The following FXR1 variants were observed in gnomAD, a reference collection of about 807,000 sequenced individuals.
FXR1 encodes RNA-binding protein FXR1.
Under a neutral mutation model 84.0 loss-of-function variants are expected in FXR1, and 15 were observed. The observed-to-expected ratio is 0.18, with a 90% CI of 0.12 to 0.27. The LOEUF (loss-of-function observed/expected upper bound fraction) is 0.27. Among genes scored for constraint, FXR1 ranks in the 10% least tolerant of loss-of-function variants. The pLI, the probability that FXR1 is intolerant of heterozygous loss-of-function variation, is 1.00. For missense variants in FXR1, 480 were observed against 774.4 expected (o/e 0.62, Z 4.51); for synonymous variants, 245 against 250.7 (o/e 0.98, Z 0.21).
At chr3:180,949,856 G>T (rs1722046887) in intron 7 of FXR1, among the ~76,000 whole-genome samples, 1 of 152,220 alleles carries the variant, frequency 6.6e-6, no homozygotes, top group South Asian at 2.1e-4. Flanking sequence ...GTAGGACTTA[G>T]ATGACAGGTG....
intron 1 of FXR1, among the ~76,000 whole-genome samples, chr3:180,913,864 A>G (rs1261463876): frequency 6.6e-6 from 1 of 152,206 alleles, no homozygotes; most frequent in Non-Finnish European, 1.5e-5. Flanking sequence ...TATTGTGCGT[A>G]TGCAAAGTGA....
intron 15 of FXR1, chr3:180,971,904 A>C (rs1038235890): frequency 1.3e-5 from 2 of 152,516 alleles, no homozygotes; most frequent in African/African-American, 2.4e-5. Context: ...AAACTAATCA[A>C]TTTTTGCATT....
intron 15 of FXR1, among the ~76,000 whole-genome samples, chr3:180,973,372 G>C (rs1159941898): frequency 6.6e-6 from 1 of 152,106 alleles, no homozygotes; most frequent in East Asian, 1.9e-4. Flanking sequence ...TGCAGTTTTT[G>C]CACCCACCTC....
Position 180,935,128 on chromosome 3 carries a change from A to C in FXR1, c.105-10A>C, listed in dbSNP as rs773461183. The C allele has an allele frequency of 5.8e-6, 8 of 1,378,924 alleles. No individual in the cohort carries two copies. In the East Asian group the frequency reaches 1.8e-4, roughly 32 times the overall value. 85.4% of individuals were successfully genotyped at this position (1,378,924 alleles called of 1,614,324 possible). ...TTTAAGTTGTTAATACACCTTTTCT[A>C]ATCCTTCAGTTGGCAACCAGAACGC... On this transcript the variant is annotated splice_polypyrimidine_tract_variant and intron_variant, in intron 2 of 16. Transcript: ENST00000357559.
intron 13 of FXR1, among the ~76,000 whole-genome samples, chr3:180,967,233 A>G (rs1021293467): frequency 6.6e-6 from 1 of 152,096 alleles, no homozygotes; most frequent in Admixed American, 6.6e-5. Flanking sequence ...AATGGCAAAA[A>G]CCGCAATTTA....
chr3:180,919,280 T>G (rs1367719093), intron 1 of FXR1, among the ~76,000 whole-genome samples: 4 of 139,760 alleles, frequency 2.9e-5, no homozygotes, highest in African/African-American at 1.2e-4. Flanking sequence ...TATTTTTTTT[T>G]TATTTTTGTT....
intron 1 of FXR1, among the ~76,000 whole-genome samples, chr3:180,926,152 G>A (rs1486905387): frequency 1.3e-5 from 2 of 152,112 alleles, no homozygotes; most frequent in East Asian, 3.9e-4. Context: ...TCTGACTGTT[G>A]TGCCAAATCT....
Position 180,963,081 on chromosome 3 carries a change from T to C in FXR1, c.1189T>C (p.Ser397Pro), listed in dbSNP as rs778766624. Reference sequence around the variant, plus strand: ...AGGTCGTCGGGGACCTAATTACACCTCCGGTTATGGTAAAAAAAAATTTTT... The same window carrying C: ...AGGTCGTCGGGGACCTAATTACACCCCCGGTTATGGTAAAAAAAAATTTTT... ...GRGRRGPNYT[S>P]GYGTNSELSN... The change falls in exon 13 of 17, where the codon TCC becomes CCC. Residue 397 changes from serine to proline, a missense_variant. Ser to Pro is a moderately conservative substitution (Grantham distance 74). Coordinates refer to ENST00000357559, the MANE Select transcript of FXR1 (RefSeq NM_005087.4). 5 of 1,362,420 alleles carry C rather than the reference T, an allele frequency of 3.7e-6. No individual in the cohort carries two copies. Among genetic ancestry groups the C allele is most frequent in the Non-Finnish European group, 5.1e-6 (5 of 972,216 alleles). 84.4% of individuals were successfully genotyped at this position (1,362,420 alleles called of 1,614,324 possible). A position where few individuals can be genotyped will look rare whatever the true frequency, so the allele number is the denominator to read the frequency against.
intron 1 of FXR1, among the ~76,000 whole-genome samples, chr3:180,931,897 C>T (rs1719959258): frequency 6.6e-6 from 1 of 151,378 alleles, no homozygotes. Context: ...CGCCACCAGG[C>T]CTGGCTAATT....
At chr3:180,958,601 T>G (rs1209512711) in intron 10 of FXR1, among the ~76,000 whole-genome samples, 1 of 152,134 alleles carries the variant, frequency 6.6e-6, no homozygotes, top group Non-Finnish European at 1.5e-5. Context: ...CCATGGTATA[T>G]ATATACCACA....
chr3:180,923,556 T>A (rs918275636), intron 1 of FXR1, among the ~76,000 whole-genome samples: 81 of 152,238 alleles, frequency 5.3e-4, no homozygotes, highest in African/African-American at 1.8e-3. Flanking sequence ...TATAATCTGT[T>A]AACTATGTAG....
At chr3:180,966,017 A>C (rs549854729) in intron 13 of FXR1, among the ~76,000 whole-genome samples, 1 of 152,244 alleles carries the variant, frequency 6.6e-6, no homozygotes, top group Non-Finnish European at 1.5e-5. Flanking sequence ...TTTGCCCTGA[A>C]TTTTGGTAAT....
intron 15 of FXR1, chr3:180,971,556 C>T (rs1577006207): frequency 6.6e-6 from 1 of 152,262 alleles, no homozygotes; most frequent in East Asian, 1.9e-4. Context: ...GAATTCAGCA[C>T]CTCATTTTTG....
intron 1 of FXR1, among the ~76,000 whole-genome samples, chr3:180,928,173 ATTAT>A (rs1719454643): frequency 6.6e-6 from 1 of 151,444 alleles, no homozygotes. Context: ...TTCCCCAAGA[ATTAT>A]TTAAATGTTC....
intron 3 of FXR1, among the ~76,000 whole-genome samples, chr3:180,936,894 T>A (rs1720584838): frequency 6.6e-6 from 1 of 152,110 alleles, no homozygotes; most frequent in Non-Finnish European, 1.5e-5. Flanking sequence ...TGTAACTATC[T>A]GTGTGTATTA....
chr3:180,916,890 A>G (rs1717959567), intron 1 of FXR1, among the ~76,000 whole-genome samples: 1 of 152,118 alleles, frequency 6.6e-6, no homozygotes, highest in Non-Finnish European at 1.5e-5. Context: ...GCTGGAGTGC[A>G]GTGGTGCAAT....
At position 180,974,943 on chromosome 3, in the gene FXR1, C is replaced by T. The variant is rs944518223; in HGVS notation, c.1604-370C>T. 1.0e-3 allele frequency among the ~76,000 whole-genome samples: 104 copies of T among 101,436 alleles called. 2 individuals are homozygous for T. The highest frequency in any genetic ancestry group is 0.011 in the Middle Eastern group (1 of 94). 66.5% of individuals were successfully genotyped at this position (101,436 alleles called of 152,430 possible). A position where few individuals can be genotyped will look rare whatever the true frequency, so the allele number is the denominator to read the frequency against. ...GACCAAATTTGCCCCATTCCCCCCT[C>T]CCCCCGACTCCCCGATAATTGCAAA... On this transcript the variant is annotated intron_variant, in intron 15 of 16. Coordinates refer to ENST00000357559, the MANE Select transcript of FXR1 (RefSeq NM_005087.4).
intron 1 of FXR1, among the ~76,000 whole-genome samples, chr3:180,920,036 CTGTCTATTT>C (rs1718390337): frequency 6.6e-6 from 1 of 152,112 alleles, no homozygotes; most frequent in African/African-American, 2.4e-5. Context: ...GCGTTTTTTG[CTGTCTATTT>C]TGGGAAGATG....
chr3:180,918,622 A>C (rs1428152628), intron 1 of FXR1, among the ~76,000 whole-genome samples: 1 of 152,166 alleles, frequency 6.6e-6, no homozygotes, highest in Non-Finnish European at 1.5e-5. Context: ...ATTGACCCCT[A>C]ATTCTTGTAA....
Sources: allele counts gnomAD v4.1 joint callset (sites outside exome capture counted in the v4.1 genomes callset), GRCh38; gene constraint gnomAD v4.1.1; transcripts MANE v1.5; gene names NCBI Gene and HGNC (gene_info 2026-07-23, HGNC 2026-07-21).